The following PAQR5 variants were observed in gnomAD, a reference collection of about 807,000 sequenced individuals.
The protein encoded by PAQR5 is progestin and adipoQ receptor family member 5.
PAQR5 carries 20 observed loss-of-function variants against 34.5 expected under a neutral mutation model. That is an observed-to-expected ratio of 0.58 (90% CI 0.41 to 0.84). The LOEUF (loss-of-function observed/expected upper bound fraction) is 0.84. Ranked by LOEUF, PAQR5 falls within the 40% of genes least tolerant of loss-of-function variation. The pLI, the probability that PAQR5 is intolerant of heterozygous loss-of-function variation, is 0.00. For missense variants in PAQR5, 378 were observed against 412.7 expected (o/e 0.92, Z 0.73); for synonymous variants, 131 against 155.6 (o/e 0.84, Z 1.18).
At position 69,384,884 on chromosome 15, in the gene PAQR5, T is replaced by A. The variant is rs2056065403; in HGVS notation, c.385+2T>A. 1 of 1,611,930 alleles carries A rather than the reference T, an allele frequency of 6.2e-7. No homozygotes were observed. The highest frequency in any genetic ancestry group is 1.3e-5 in the African/African-American group (1 of 74,958). ...GTGCCGTCAACCTCTTCAGCCTGGG[T>A]ATGTGAGGCCTTGTTCTTGCTTTCC... On this transcript the variant is annotated splice_donor_variant, in intron 5 of 8. Coordinates refer to ENST00000395407, the MANE Select transcript of PAQR5 (RefSeq NM_017705.4). LOFTEE classifies it high-confidence loss of function.
At chr15:69,380,298 T>A (rs1031955768) in intron 4 of PAQR5, 1 of 311,078 alleles carries the variant, frequency 3.2e-6, no homozygotes, top group Admixed American at 4.7e-5. Context: ...GCATTTACCT[T>A]CATCTCCGGT....
At chr15:69,342,873 G>A (rs771495339) in intron 2 of PAQR5, among the ~76,000 whole-genome samples, 11 of 152,218 alleles carry the variant, frequency 7.2e-5, no homozygotes, top group Non-Finnish European at 1.2e-4. Context: ...CCTGCACCTT[G>A]CAGCACTGGC....
At position 69,404,198 on chromosome 15, in the gene PAQR5, T is replaced by C. The variant is rs1294880774; in HGVS notation, c.*376T>C. 1 of 195,004 alleles carries C rather than the reference T, an allele frequency of 5.1e-6. No homozygotes were observed. Among genetic ancestry groups the C allele is most frequent in the Non-Finnish European group, 1.0e-5 (1 of 95,312 alleles). 12.1% of individuals were successfully genotyped at this position (195,004 alleles called of 1,614,324 possible). ...ATCTTGCTTCATTTGATGAATTTCATGTCACAAAGCTTCTCTCAAGAGCTC... is the reference window on the plus strand; with the variant it reads ...ATCTTGCTTCATTTGATGAATTTCACGTCACAAAGCTTCTCTCAAGAGCTC... On this transcript the variant is annotated 3_prime_UTR_variant, in exon 9 of 9. Coordinates refer to ENST00000395407, the MANE Select transcript of PAQR5 (RefSeq NM_017705.4).
intron 3 of PAQR5, among the ~76,000 whole-genome samples, chr15:69,366,750 C>T (rs887342237): frequency 3.8e-4 from 58 of 152,234 alleles, no homozygotes; most frequent in African/African-American, 1.4e-3. Context: ...TTTTGTTCTA[C>T]TTGATCTATG....
intron 8 of PAQR5, among the ~76,000 whole-genome samples, chr15:69,400,720 A>G (rs994767835): frequency 6.6e-6 from 1 of 152,158 alleles, no homozygotes; most frequent in Non-Finnish European, 1.5e-5. Context: ...GGAAGAGGAA[A>G]GAAAGGATGA....
intron 2 of PAQR5, among the ~76,000 whole-genome samples, chr15:69,355,297 TTTCTTTC>T (rs1567017114): frequency 2.4e-4 from 17 of 69,554 alleles, no homozygotes; most frequent in Non-Finnish European, 3.6e-4. Flanking sequence ...CTTTTCTTTC[TTTCTTTC>T]TTTCTTTCTT....
chr15:69,332,661 T>A (rs1287660850), intron 1 of PAQR5, among the ~76,000 whole-genome samples: 1 of 151,638 alleles, frequency 6.6e-6, no homozygotes, highest in Non-Finnish European at 1.5e-5. Context: ...TATGAAACTT[T>A]GCCATTTATT....
chr15:69,339,208 G>T (rs1160051148), intron 2 of PAQR5, among the ~76,000 whole-genome samples: 2 of 142,088 alleles, frequency 1.4e-5, no homozygotes, highest in Non-Finnish European at 3.1e-5. Flanking sequence ...TAAAAACTCT[G>T]CTCCTCAAAT....
At chr15:69,310,296 C>T (rs149142159) in intron 1 of PAQR5, among the ~76,000 whole-genome samples, 90 of 152,070 alleles carry the variant, frequency 5.9e-4, no homozygotes, top group Non-Finnish European at 7.9e-4. Flanking sequence ...TGGGTATGTG[C>T]GTTTATATTT....
At chr15:69,356,422 A>G (rs1210050445) in intron 2 of PAQR5, among the ~76,000 whole-genome samples, 1 of 152,240 alleles carries the variant, frequency 6.6e-6, no homozygotes, top group Non-Finnish European at 1.5e-5. Context: ...GTGAGCTTAA[A>G]AAAATTATTT....
intron 2 of PAQR5, among the ~76,000 whole-genome samples, chr15:69,338,833 T>C (rs765691246): frequency 2.0e-5 from 3 of 152,244 alleles, no homozygotes; most frequent in African/African-American, 4.8e-5. Context: ...TTGTAGTTTA[T>C]AGTTTAAACA....
chr15:69,355,291 T>C (rs187822670), intron 2 of PAQR5, among the ~76,000 whole-genome samples: 10 of 108,626 alleles, frequency 9.2e-5, no homozygotes, highest in South Asian at 3.1e-4. Flanking sequence ...TTCTTTCTTT[T>C]CTTTCTTTCT....
chr15:69,317,314 C>A (rs1275461885), intron 1 of PAQR5, among the ~76,000 whole-genome samples: 2 of 152,172 alleles, frequency 1.3e-5, no homozygotes, highest in Non-Finnish European at 2.9e-5. Context: ...GGCATCCACC[C>A]AGGCTCCCTC....
chr15:69,397,762 TAAG>T (rs966212059), intron 7 of PAQR5, 198 bp downstream of exon 7: 25 of 602,474 alleles, frequency 4.1e-5, no homozygotes, highest in African/African-American at 1.7e-4. Flanking sequence ...AGAAAATAAA[TAAG>T]AAGATTTTTC....
rs918414853 is a variant in PAQR5, at chr15:69,385,972, T to TAC, written c.385+1101_385+1102dup. Among the ~76,000 whole-genome samples, 3 of 143,348 alleles carry TAC rather than the reference T, an allele frequency of 2.1e-5. No homozygotes were observed. The South Asian group carries it at 6.7e-4, about 32-fold the overall frequency. 94.0% of individuals were successfully genotyped at this position (143,348 alleles called of 152,430 possible). On this transcript the variant is annotated intron_variant, in intron 5 of 8. Coordinates refer to ENST00000395407, the MANE Select transcript of PAQR5 (RefSeq NM_017705.4). This position sits in a 1 kb window ranked among gnomAD's most constrained non-coding sequence, Gnocchi z 4.7. ...CACTCACATGCACACTCTCAAACAC[T>TAC]ACACACACACACCACCCATACTGAC...
chr15:69,364,171 C>T (rs1315361562), intron 3 of PAQR5, among the ~76,000 whole-genome samples: 1 of 152,096 alleles, frequency 6.6e-6, no homozygotes, highest in Non-Finnish European at 1.5e-5. Context: ...ACAGCCAGAT[C>T]AGTGTCTGGC....
At chr15:69,381,205 G>C (rs1199446974) in intron 4 of PAQR5, among the ~76,000 whole-genome samples, 1 of 152,196 alleles carries the variant, frequency 6.6e-6, no homozygotes, top group Non-Finnish European at 1.5e-5. Flanking sequence ...ATAGAGTCAG[G>C]CTCTGCCACT....
At chr15:69,319,185 A>ACATATATATATT (rs1285393411) in intron 1 of PAQR5, among the ~76,000 whole-genome samples, 4 of 5,700 alleles carry the variant, frequency 7.0e-4, no homozygotes, top group African/African-American at 8.2e-4. Context: ...ATATATATAT[A>ACATATATATATT]TATATATATA....
chr15:69,348,904 G>A (rs1012131930), intron 2 of PAQR5, among the ~76,000 whole-genome samples: 2 of 152,128 alleles, frequency 1.3e-5, no homozygotes, highest in African/African-American at 4.8e-5. Flanking sequence ...CTCGAACTTT[G>A]CACTATTTAA....
Sources: gnomAD v4.1 joint callset for allele counts (sites outside exome capture counted in the v4.1 genomes callset) on GRCh38, gnomAD v4.1.1 for gene constraint, Gnocchi (gnomAD v3.1) non-coding constraint, MANE v1.5 for transcripts, NCBI Gene and HGNC (gene_info 2026-07-23, HGNC 2026-07-21) for gene names.